RCOR3: variants seen among roughly 807,000 people sequenced by gnomAD.
The protein encoded by RCOR3 is REST corepressor 3.
In RCOR3, 13 loss-of-function variants were observed where a neutral mutation model predicts 64.1. That is an observed-to-expected ratio of 0.20 (90% CI 0.13 to 0.32). RCOR3 has a LOEUF of 0.32. Among genes scored for constraint, RCOR3 ranks in the 10% least tolerant of loss-of-function variants. The pLI is 1.00. For missense variants in RCOR3, 489 were observed against 701.2 expected (o/e 0.70, Z 3.42); for synonymous variants, 215 against 239.0 (o/e 0.90, Z 0.93).
At position 211,279,231 on chromosome 1, in the gene RCOR3, T is replaced by C; in HGVS notation, c.642-7T>C. 1 of 1,582,418 alleles carries C rather than the reference T, an allele frequency of 6.3e-7. No homozygotes were observed. The highest frequency in any genetic ancestry group is 8.6e-7 in the Non-Finnish European group (1 of 1,165,568). On this transcript the variant is annotated splice_region_variant and splice_polypyrimidine_tract_variant and intron_variant, in intron 6 of 11. Transcript: ENST00000419091. The stretch of plus-strand genomic sequence containing the variant: ...AATTAAGTGTACTAATTTTTGTTTC[T>C]TCTCAGTGATGATGATGTAGAAGAA...
intron 5 of RCOR3, among the ~76,000 whole-genome samples, chr1:211,277,199 G>A (rs1299250705): frequency 6.7e-6 from 1 of 149,896 alleles, no homozygotes; most frequent in Non-Finnish European, 1.5e-5. Context: ...AAACTGCTCT[G>A]TATTTCTAGT....
chr1:211,260,141 C>T lies in RCOR3; in HGVS notation c.200C>T (p.Ala67Val), dbSNP rs758646566. The T allele has an allele frequency of 6.2e-7, 1 of 1,612,334 alleles. No homozygotes were observed. The highest frequency in any genetic ancestry group is 1.7e-5 in the Admixed American group (1 of 59,968). ...ATGAGAGTCGGAGCCGAATACCAAG[C>T]TCGGATCCCTGAATTTGATCCAGGT... Reference protein sequence around the residue: ...VGMRVGAEYQARIPEFDPGAT... With the variant: ...VGMRVGAEYQVRIPEFDPGAT... The change falls in exon 2 of 12, where the codon GCT (alanine) becomes GTT (valine). Residue 67 changes from alanine (A) to valine (V), a missense_variant. Coordinates refer to ENST00000419091, the MANE Select transcript of RCOR3 (RefSeq NM_001136223.3).
At chr1:211,293,121 G>A (rs1571940232) in intron 8 of RCOR3, among the ~76,000 whole-genome samples, 1 of 65,746 alleles carries the variant, frequency 1.5e-5, no homozygotes, top group South Asian at 4.8e-4. Flanking sequence ...AAATAAATAA[G>A]TCTTAATTTT....
chr1:211,299,416 A>T (rs1445711876), intron 9 of RCOR3, among the ~76,000 whole-genome samples: 2 of 152,214 alleles, frequency 1.3e-5, no homozygotes, highest in African/African-American at 2.4e-5. Context: ...CAGAAGGAAG[A>T]ATAAGTGTAA....
chr1:211,307,529 A>T (rs188933737), intron 10 of RCOR3, among the ~76,000 whole-genome samples: 276 of 152,328 alleles, frequency 1.8e-3, no homozygotes, highest in Non-Finnish European at 3.5e-3. Flanking sequence ...AAAAGAATTT[A>T]AAAAGGAATT....
chr1:211,263,195 C>G (rs1049337121), intron 2 of RCOR3, among the ~76,000 whole-genome samples: 1 of 151,872 alleles, frequency 6.6e-6, no homozygotes, highest in Non-Finnish European at 1.5e-5. Flanking sequence ...CTACAAAGGA[C>G]ATGAACTCAT....
rs77731153 is a variant in RCOR3 at position 211,259,566 on chromosome 1, C to T, written c.6C>T (p.Pro2=). The T allele has an allele frequency of 8.3e-3, 12,806 of 1,548,012 alleles. 721 individuals carry two copies. The African/African-American group carries it at 0.14, about 17-fold the overall frequency. The change falls in exon 1 of 12, where the codon CCC becomes CCT. Residue 2 remains proline (P), a synonymous_variant. Coordinates refer to ENST00000419091, the MANE Select transcript of RCOR3 (RefSeq NM_001136223.3). ...TCCCCCTCCCCTGTTCTACCATGCC[C>T]GGCATGATGGAGAAAGGGCCCGAGT... is the stretch of plus-strand genomic sequence containing the variant. M[P]GMMEKGPELL...
intron 4 of RCOR3, among the ~76,000 whole-genome samples, chr1:211,275,640 G>A (rs1696854176): frequency 6.6e-6 from 1 of 152,114 alleles, no homozygotes; most frequent in Admixed American, 6.5e-5. Context: ...GTCCATTTCA[G>A]TCTTTGTTAT....
chr1:211,280,630 C>T (rs2102521022), intron 7 of RCOR3, among the ~76,000 whole-genome samples: 1 of 152,242 alleles, frequency 6.6e-6, no homozygotes, highest in African/African-American at 2.4e-5. Flanking sequence ...TATCCTTTGT[C>T]TTTCGCATAT....
At chr1:211,293,888 C>G (rs539783450) in intron 8 of RCOR3, among the ~76,000 whole-genome samples, 138 of 152,246 alleles carry the variant, frequency 9.1e-4, no homozygotes, top group African/African-American at 3.2e-3. Context: ...ACAATCCTAA[C>G]CCTTAACAGT....
intron 1 of RCOR3, 175 bp from the exon 2 acceptor site, chr1:211,259,933 C>G: frequency 8.4e-7 from 1 of 1,185,278 alleles, no homozygotes. Context: ...TGCCCCCCCC[C>G]GCTCCCCGCC....
chr1:211,271,363 A>G, intron 3 of RCOR3, 54 bp downstream of exon 3: 3 of 1,394,636 alleles, frequency 2.2e-6, no homozygotes, highest in Non-Finnish European at 3.0e-6. Flanking sequence ...CAGCCAATTC[A>G]AAATATGACT....
In RCOR3 at chr1:211,278,114, A is replaced by C; in HGVS notation, c.517-3A>C. On this transcript the variant is annotated splice_polypyrimidine_tract_variant and splice_region_variant and intron_variant, in intron 5 of 11. Transcript: ENST00000419091. ...TGCTGATATTAACATGATTTTTTTTAAGCTTCCAGATAAGACAATTGCAAG... is the reference window on the plus strand; with the variant it reads ...TGCTGATATTAACATGATTTTTTTTCAGCTTCCAGATAAGACAATTGCAAG... The C allele has an allele frequency of 1.3e-6, 2 of 1,586,194 alleles. No homozygotes were observed.
chr1:211,274,293 T>A (rs976255032), intron 4 of RCOR3, 31 bp downstream of exon 4: 1 of 1,452,596 alleles, frequency 6.9e-7, no homozygotes, highest in Non-Finnish European at 9.6e-7. Flanking sequence ...GTAGTAAGGC[T>A]TGTCCCAATA....
chr1:211,259,638 A>AGGCGGCGGC lies in RCOR3; in HGVS notation c.82_90dup (p.Gly28_Gly30dup). On this transcript the variant is annotated inframe_insertion, in exon 1 of 12. Coordinates refer to ENST00000419091, the MANE Select transcript of RCOR3 (RefSeq NM_001136223.3). ...CCAACGGCAGCGCCAAGAGCCCGGC[A>AGGCGGCGGC]GGCGGCGGCGGCAGCGGCGCCTCGT... The AGGCGGCGGC allele has an allele frequency of 6.5e-7, 1 of 1,546,028 alleles. No homozygotes were observed. The highest frequency in any genetic ancestry group is 8.7e-7 in the Non-Finnish European group (1 of 1,145,084).
At chr1:211,284,294 A>G (rs1171123590) in intron 7 of RCOR3, among the ~76,000 whole-genome samples, 1 of 151,712 alleles carries the variant, frequency 6.6e-6, no homozygotes, top group East Asian at 1.9e-4. Context: ...GTTAGTCAGG[A>G]TGGTCTCGAT....
rs563146937 is a variant in RCOR3 at position 211,305,809 on chromosome 1, A to C, written c.1075+1669A>C. Among the ~76,000 whole-genome samples, 15 of 152,306 alleles carry C rather than the reference A, an allele frequency of 9.8e-5. 1 individual carries two copies. In the South Asian group the frequency reaches 3.1e-3, roughly 32 times the overall value. ...AAAGGAAGAGCAGTGGTAATATCTAAATATATAGTTTGAACTATATATGTG... is the reference window on the plus strand; with the variant it reads ...AAAGGAAGAGCAGTGGTAATATCTACATATATAGTTTGAACTATATATGTG... On this transcript the variant is annotated intron_variant, in intron 10 of 11. Coordinates refer to ENST00000419091, the MANE Select transcript of RCOR3 (RefSeq NM_001136223.3).
Position 211,312,156 on chromosome 1 carries a change from A to G in RCOR3, c.1076-564A>G, listed in dbSNP as rs906155142. Reference sequence around the variant, plus strand: ...GATGATTCTCCTGCTTTTCATGTTTAAGTTCTTATCTAATTTCAATTTGTT... The same window carrying G: ...GATGATTCTCCTGCTTTTCATGTTTGAGTTCTTATCTAATTTCAATTTGTT... On this transcript the variant is annotated intron_variant, in intron 10 of 11. Coordinates refer to ENST00000419091, the MANE Select transcript of RCOR3 (RefSeq NM_001136223.3). The surrounding 1 kb of genome is among the most constrained non-coding windows in gnomAD (Gnocchi z 5.0). 4 of 205,682 alleles carry G rather than the reference A, an allele frequency of 1.9e-5. No individual in the cohort carries two copies. The highest frequency in any genetic ancestry group is 4.2e-5 in the Non-Finnish European group (4 of 94,530). 12.7% of individuals were successfully genotyped at this position (205,682 alleles called of 1,614,324 possible).
intron 8 of RCOR3, among the ~76,000 whole-genome samples, chr1:211,290,668 G>A (rs1489150188): frequency 6.6e-6 from 1 of 152,196 alleles, no homozygotes; most frequent in Non-Finnish European, 1.5e-5. Context: ...GAGCCACCAC[G>A]CTCGGCCTCT....
Sources: gnomAD v4.1 joint callset for allele counts (sites outside exome capture counted in the v4.1 genomes callset) on GRCh38, gnomAD v4.1.1 for gene constraint, Gnocchi (gnomAD v3.1) non-coding constraint, MANE v1.5 for transcripts, NCBI Gene and HGNC (gene_info 2026-07-23, HGNC 2026-07-21) for gene names.